The following HPSE variants were observed in gnomAD, a reference collection of about 807,000 sequenced individuals.
HPSE encodes the protein heparanase.
HPSE carries 48 observed loss-of-function variants against 65.1 expected under a neutral mutation model. The observed-to-expected ratio is 0.74, with a 90% CI of 0.58 to 0.94. The LOEUF (loss-of-function observed/expected upper bound fraction) is 0.94, where lower values mean the gene tolerates loss of function less well. Ranked by LOEUF, HPSE falls within the 40% of genes least tolerant of loss-of-function variation. HPSE has a pLI of 0.00. For synonymous variants in HPSE, 243 were observed against 260.0 expected, an observed-to-expected ratio of 0.93 and a Z score of 0.63; for missense variants, 644 against 637.5, an observed-to-expected ratio of 1.01 and a Z score of -0.11.
chr4:83,329,223 C>A (rs1737268855), intron 1 of HPSE, among the ~76,000 whole-genome samples: 1 of 152,152 alleles, frequency 6.6e-6, no homozygotes, highest in African/African-American at 2.4e-5. Context: ...CCCAGCTATA[C>A]AGGGTGGCCA....
chr4:83,311,234 G>A (rs1736361105), intron 4 of HPSE, among the ~76,000 whole-genome samples: 1 of 152,136 alleles, frequency 6.6e-6, no homozygotes, highest in Admixed American at 6.5e-5. Context: ...GAGCCCAGAA[G>A]GTCGAGGCCA....
chr4:83,299,763 G>T (rs1735869957), intron 11 of HPSE, among the ~76,000 whole-genome samples: 1 of 151,904 alleles, frequency 6.6e-6, no homozygotes, highest in Non-Finnish European at 1.5e-5. Context: ...GGTGACAGAG[G>T]CACCATCACA....
At chr4:83,300,216 C>G (rs950034894) in intron 11 of HPSE, among the ~76,000 whole-genome samples, 1 of 152,184 alleles carries the variant, frequency 6.6e-6, no homozygotes, top group African/African-American at 2.4e-5. Flanking sequence ...AAGAAGTATA[C>G]TCTAGCTATT....
At chr4:83,323,517 A>G (rs1444367148) in intron 1 of HPSE, among the ~76,000 whole-genome samples, 1 of 151,986 alleles carries the variant, frequency 6.6e-6, no homozygotes, top group Non-Finnish European at 1.5e-5. Context: ...ACACACACAC[A>G]CACACACACA....
At position 83,294,471 on chromosome 4, in the gene HPSE, T is replaced by C. The variant is rs1367326232; in HGVS notation, c.*873A>G. 6.6e-6 allele frequency: 1 copy of C among 152,148 alleles called. No individual in the cohort carries two copies. Among genetic ancestry groups the C allele is most frequent in the African/African-American group, 2.4e-5 (1 of 41,412 alleles). 9.4% of individuals were successfully genotyped at this position (152,148 alleles called of 1,614,324 possible). On this transcript the variant is annotated 3_prime_UTR_variant, in exon 12 of 12. Transcript: ENST00000311412. Reference sequence around the variant, plus strand: ...ACTGCACAGAGGTAACATCAAATGATCTCCTGCTGTACCATGCTGTACTCC... The same window carrying C: ...ACTGCACAGAGGTAACATCAAATGACCTCCTGCTGTACCATGCTGTACTCC...
rs1735659503 is a variant in HPSE at position 83,294,607 on chromosome 4, A to T, written c.*737T>A. 6.6e-6 allele frequency: 1 copy of T among 152,224 alleles called. No homozygotes were observed. Among genetic ancestry groups the T allele is most frequent in the Non-Finnish European group, 1.5e-5 (1 of 68,070 alleles). 9.4% of individuals were successfully genotyped at this position (152,224 alleles called of 1,614,324 possible). On this transcript the variant is annotated 3_prime_UTR_variant, in exon 12 of 12. Transcript: ENST00000311412. The stretch of plus-strand genomic sequence containing the variant: ...ACCCCATCTCTACAAAAAATTTTTT[A>T]AAAATAGCCAAGTGTGATGGCATGT...
At position 83,295,362 on chromosome 4, in the gene HPSE, T is replaced by G; in HGVS notation, c.1614A>C (p.Lys538Asn). The G allele has an allele frequency of 1.9e-6, 3 of 1,608,524 alleles. No individual in the cohort carries two copies. The highest frequency in any genetic ancestry group is 2.5e-6 in the Non-Finnish European group (3 of 1,176,854). Residue 538 changes from lysine to asparagine, a missense_variant, in exon 12 of 12, where the codon AAA becomes AAC. Transcript: ENST00000311412. The part of the protein sequence containing the change: ...SYSFFVIRNA[K>N]VAACI ...TTTATTTTCAGATGCAAGCAGCAAC[T>G]TTGGCATTTCTTATCACAAAAAAAC...
At chr4:83,312,343 T>C (rs892905994) in intron 4 of HPSE, among the ~76,000 whole-genome samples, 5 of 152,196 alleles carry the variant, frequency 3.3e-5, no homozygotes, top group Admixed American at 2.0e-4. Context: ...TGTTGAGCAC[T>C]TGCAAGAATG....
Position 83,334,692 on chromosome 4 carries a change from G to C in HPSE, c.91C>G (p.Arg31Gly), listed in dbSNP as rs1428598283. The C allele has an allele frequency of 1.3e-6, 2 of 1,570,364 alleles. No homozygotes were observed. Among genetic ancestry groups the C allele is most frequent in the African/African-American group, 2.7e-5 (2 of 73,940 alleles). The change falls in exon 1 of 12, where the codon CGA (arginine) becomes GGA (glycine). Residue 31 changes from arginine (R) to glycine (G), a missense_variant. Transcript: ENST00000311412. Reference protein sequence around the residue: ...LGPLSPGALPRPAQAQDVVDL... With the variant: ...LGPLSPGALPGPAQAQDVVDL... ...ACGACGTCCTGTGCTTGCGCAGGTC[G>C]GGGCAGGGCGCCAGGGGAGAGGGGA... is the stretch of plus-strand genomic sequence containing the variant.
At chr4:83,330,633 A>G (rs1226993866) in intron 1 of HPSE, among the ~76,000 whole-genome samples, 3 of 152,258 alleles carry the variant, frequency 2.0e-5, no homozygotes, top group Non-Finnish European at 4.4e-5. Context: ...AGTTTTTATC[A>G]GTAAATATTT....
chr4:83,295,115 C>A lies in HPSE; in HGVS notation c.*229G>T. 1 of 276,690 alleles carries A rather than the reference C, an allele frequency of 3.6e-6. No individual in the cohort carries two copies. The highest frequency in any genetic ancestry group is 6.7e-6 in the Non-Finnish European group (1 of 149,832). 17.1% of individuals were successfully genotyped at this position (276,690 alleles called of 1,614,324 possible). A position where few individuals can be genotyped will look rare whatever the true frequency, so the allele number is the denominator to read the frequency against. On this transcript the variant is annotated 3_prime_UTR_variant, in exon 12 of 12. Transcript: ENST00000311412. ...AAACTTTAGATAAAAGTAAAACATG[C>A]AAAATGCTAAGCAGTATTTGGAACA...
chr4:83,319,517 G>A (rs1222056232), intron 2 of HPSE, 48 bp from the exon 3 acceptor site: 1 of 1,577,642 alleles, frequency 6.3e-7, no homozygotes, highest in Non-Finnish European at 8.7e-7. Flanking sequence ...ACAGTGAGCA[G>A]ACTGAAATCG....
At position 83,293,566 on chromosome 4, in the gene HPSE, T is replaced by C. The variant is rs1462685155; in HGVS notation, c.*1778A>G. On this transcript the variant is annotated 3_prime_UTR_variant, in exon 12 of 12. Transcript: ENST00000311412. ...TGCTTAAGCCATTTGAATTAGGAGT[T>C]TCTGTTACTTGCAGCCAAAAGCTTC... 2 of 152,248 alleles carry C rather than the reference T, an allele frequency of 1.3e-5. No homozygotes were observed. Among genetic ancestry groups the C allele is most frequent in the African/African-American group, 4.8e-5 (2 of 41,462 alleles). 9.4% of individuals were successfully genotyped at this position (152,248 alleles called of 1,614,324 possible).
At chr4:83,334,373 T>C (rs937552986) in intron 1 of HPSE, among the ~76,000 whole-genome samples, 183 bp downstream of exon 1, 1 of 151,454 alleles carries the variant, frequency 6.6e-6, no homozygotes, top group Admixed American at 6.6e-5. Flanking sequence ...CAAAAAGCAG[T>C]TTGGGGTCTG....
chr4:83,296,150 G>A (rs944262822), intron 11 of HPSE, among the ~76,000 whole-genome samples: 3 of 151,988 alleles, frequency 2.0e-5, no homozygotes, highest in Non-Finnish European at 4.4e-5. Context: ...ACTGTTGAAC[G>A]TTCTTAAAAA....
intron 3 of HPSE, among the ~76,000 whole-genome samples, chr4:83,315,192 T>C (rs1302993735): frequency 6.6e-6 from 1 of 151,872 alleles, no homozygotes; most frequent in Admixed American, 6.6e-5. Flanking sequence ...TAATATTAAC[T>C]ATAAAGACCA....
chr4:83,302,188 C>T lies in HPSE; in HGVS notation c.1287G>A (p.Arg429=). 1 of 1,613,836 alleles carries T rather than the reference C, an allele frequency of 6.2e-7. No individual in the cohort carries two copies. The highest frequency in any genetic ancestry group is 8.5e-7 in the Non-Finnish European group (1 of 1,179,738). ...TGCAATGAAGGTATACTCGAAGCTTCCTTCTCTTTGAACCTTGCACGCTTG... is the reference window on the plus strand; with the variant it reads ...TGCAATGAAGGTATACTCGAAGCTTTCTTCTCTTTGAACCTTGCACGCTTG... ...LMASVQGSKR[R]KLRVYLHCTN... Residue 429 remains arginine, a synonymous_variant, in exon 10 of 12, where the codon AGG becomes AGA. Coordinates refer to ENST00000311412, the MANE Select transcript of HPSE (RefSeq NM_001098540.3).
chr4:83,302,057 A>G, intron 10 of HPSE, 93 bp downstream of exon 10: 1 of 684,580 alleles, frequency 1.5e-6, no homozygotes, highest in Non-Finnish European at 2.6e-6. Context: ...ATACTTATGC[A>G]ATGTATAGAC....
chr4:83,321,672 A>G lies in HPSE; in HGVS notation c.373+547T>C, dbSNP rs141393014. Among the ~76,000 whole-genome samples, 1,517 of 152,316 alleles carry G rather than the reference A, an allele frequency of 1.0e-2. 12 individuals carry two copies. The highest frequency in any genetic ancestry group is 0.015 in the Non-Finnish European group (1,052 of 68,020). On this transcript the variant is annotated intron_variant, in intron 2 of 11. Coordinates refer to ENST00000311412, the MANE Select transcript of HPSE (RefSeq NM_001098540.3). ...ATGTCTGATAGCACTTCTGAAAGAC[A>G]GGACAAATTTTCATGGCCCCCTAGG... is the stretch of plus-strand genomic sequence containing the variant.
Sources: gnomAD v4.1 joint callset for allele counts (sites outside exome capture counted in the v4.1 genomes callset) on GRCh38, gnomAD v4.1.1 for gene constraint, MANE v1.5 for transcripts, NCBI Gene and HGNC (gene_info 2026-07-23, HGNC 2026-07-21) for gene names.